RIN3: variants seen among roughly 807,000 people sequenced by gnomAD.
The protein encoded by RIN3 is Ras and Rab interactor 3, also known as RAB5 interacting protein 3.
A neutral mutation model predicts 76.3 loss-of-function variants in RIN3; 54 were observed. That is an observed-to-expected ratio of 0.71 (90% CI 0.57 to 0.89). The LOEUF (loss-of-function observed/expected upper bound fraction) is 0.89, where lower values mean the gene tolerates loss of function less well. Among genes scored for constraint, RIN3 ranks in the 40% least tolerant of loss-of-function variants. The pLI, the probability that RIN3 is intolerant of heterozygous loss-of-function variation, is 0.00. For missense variants in RIN3, 1,256 were observed against 1,322.1 expected, an observed-to-expected ratio of 0.95 and a Z score of 0.78; for synonymous variants, 576 against 564.0, an observed-to-expected ratio of 1.02 and a Z score of -0.30.
intron 7 of RIN3, among the ~76,000 whole-genome samples, chr14:92,660,694 A>G (rs1595493217): frequency 6.6e-6 from 1 of 152,358 alleles, no homozygotes; most frequent in East Asian, 1.9e-4. Context: ...TCCCAGACTC[A>G]AGGAGTGAGG....
At chr14:92,594,761 A>C (rs1207425588) in intron 3 of RIN3, among the ~76,000 whole-genome samples, 1 of 152,250 alleles carries the variant, frequency 6.6e-6, no homozygotes, top group Non-Finnish European at 1.5e-5. Context: ...TAGCTCTGTG[A>C]ACTAAAGCAA....
At chr14:92,683,019 T>G (rs1175690712) in intron 8 of RIN3, among the ~76,000 whole-genome samples, 1 of 152,012 alleles carries the variant, frequency 6.6e-6, no homozygotes, top group Non-Finnish European at 1.5e-5. Context: ...TACAAAAAGT[T>G]AGCCAGGCGT....
intron 8 of RIN3, among the ~76,000 whole-genome samples, chr14:92,678,419 A>G (rs934223667): frequency 2.7e-5 from 4 of 147,948 alleles, no homozygotes; most frequent in Admixed American, 2.7e-4. Flanking sequence ...CCCACCCTCC[A>G]CATATTCATT....
At chr14:92,554,035 G>C (rs1897509615) in intron 1 of RIN3, among the ~76,000 whole-genome samples, 1 of 152,084 alleles carries the variant, frequency 6.6e-6, no homozygotes, top group South Asian at 2.1e-4. Flanking sequence ...CTTGATCCCT[G>C]GTACCCCTGG....
At chr14:92,642,453 T>C (rs890083220) in intron 5 of RIN3, among the ~76,000 whole-genome samples, 1 of 152,108 alleles carries the variant, frequency 6.6e-6, no homozygotes, top group Non-Finnish European at 1.5e-5. Context: ...CAGGAGCCGT[T>C]GTAGGCCCCA....
rs778399802 is a variant in RIN3 at position 92,643,809 on chromosome 14, T to A, written c.532+2480T>A. Among the ~76,000 whole-genome samples, 34 of 152,158 alleles carry A rather than the reference T, an allele frequency of 2.2e-4. No individual in the cohort carries two copies. The highest frequency in any genetic ancestry group is 4.0e-4 in the Non-Finnish European group (27 of 68,002). Reference sequence around the variant, plus strand: ...TGGGCATAATGGCATGTGCCTGTAATCCCAGCTACTCCGGAGGCTGAGGCA... The same window carrying A: ...TGGGCATAATGGCATGTGCCTGTAAACCCAGCTACTCCGGAGGCTGAGGCA... On this transcript the variant is annotated intron_variant, in intron 5 of 9. Transcript: ENST00000216487. The surrounding 1 kb of genome is among the most constrained non-coding windows in gnomAD (Gnocchi z 4.8).
At chr14:92,547,782 C>A (rs889754103) in intron 1 of RIN3, among the ~76,000 whole-genome samples, 2 of 152,166 alleles carry the variant, frequency 1.3e-5, no homozygotes, top group East Asian at 1.9e-4. Context: ...CAGCTCACTG[C>A]AACCTCTGCA....
At chr14:92,654,321 AAAAAAG>A (rs957861573) in intron 6 of RIN3, among the ~76,000 whole-genome samples, 3 of 126,774 alleles carry the variant, frequency 2.4e-5, no homozygotes, top group Non-Finnish European at 3.5e-5. Flanking sequence ...TCTAAAAAAA[AAAAAAG>A]AAAAGAAAAG....
intron 7 of RIN3, among the ~76,000 whole-genome samples, chr14:92,665,674 C>A (rs1347705779): frequency 1.4e-4 from 22 of 152,140 alleles, no homozygotes; most frequent in Admixed American, 1.4e-3. Context: ...AGCCACCGCG[C>A]CTGGACTCTT....
At chr14:92,563,496 C>CA (rs1366453014) in intron 2 of RIN3, among the ~76,000 whole-genome samples, 3 of 152,098 alleles carry the variant, frequency 2.0e-5, no homozygotes, top group Non-Finnish European at 4.4e-5. Flanking sequence ...AACAACCCTG[C>CA]AAAACAGGGG....
chr14:92,605,577 CA>C (rs1396985981), intron 3 of RIN3, among the ~76,000 whole-genome samples: 3 of 152,130 alleles, frequency 2.0e-5, no homozygotes, highest in African/African-American at 7.2e-5. Flanking sequence ...CATATGTTAG[CA>C]AAGATAAATG....
chr14:92,608,473 T>TCTCTG (rs1885607395), intron 3 of RIN3, among the ~76,000 whole-genome samples: 1 of 152,196 alleles, frequency 6.6e-6, no homozygotes, highest in Admixed American at 6.5e-5. Flanking sequence ...GCACACACAG[T>TCTCTG]CTCTGCTCTT....
intron 3 of RIN3, among the ~76,000 whole-genome samples, chr14:92,602,266 G>A (rs558173615): frequency 2.4e-4 from 37 of 152,328 alleles, no homozygotes; most frequent in Admixed American, 6.5e-4. Flanking sequence ...AGTGGGAGGG[G>A]CCAGAAGTTC....
intron 4 of RIN3, among the ~76,000 whole-genome samples, chr14:92,619,907 C>T (rs1886115112): frequency 6.6e-6 from 1 of 152,172 alleles, no homozygotes; most frequent in Non-Finnish European, 1.5e-5. Context: ...AAAGAAGCAA[C>T]TTATGACCTT....
chr14:92,685,238 C>T lies in RIN3; in HGVS notation c.2631+88C>T. ...GCTGGCTAAGGAGCCGTGACATCAC[C>T]TGGCTGCTCCAGCCGCCCAGCCCTG... On this transcript the variant is annotated intron_variant, in intron 9 of 9. Transcript: ENST00000216487. The surrounding 1 kb of genome is among the most constrained non-coding windows in gnomAD (Gnocchi z 4.7). The T allele has an allele frequency of 7.2e-7, 1 of 1,393,022 alleles. No individual in the cohort carries two copies. The highest frequency in any genetic ancestry group is 9.6e-7 in the Non-Finnish European group (1 of 1,036,430). 86.3% of individuals were successfully genotyped at this position (1,393,022 alleles called of 1,614,324 possible).
chr14:92,674,525 C>G lies in RIN3; in HGVS notation c.2336-1950C>G, dbSNP rs538136383. 3.9e-5 allele frequency among the ~76,000 whole-genome samples: 6 copies of G among 152,064 alleles called. No homozygotes were observed. In the South Asian group the frequency reaches 1.0e-3, roughly 26 times the overall value. On this transcript the variant is annotated intron_variant, in intron 7 of 9. Transcript: ENST00000216487. ...GGCTGAGGTGGAAAGATTGCTTGAG[C>G]CCAGGAAGTCAAGGTTGCAAGTGAG...
At chr14:92,615,521 A>T (rs781222171) in intron 4 of RIN3, 42 bp downstream of exon 4, 1 of 1,528,908 alleles carries the variant, frequency 6.5e-7, no homozygotes, top group Non-Finnish European at 9.1e-7. Flanking sequence ...TGGTTGTAGC[A>T]AACATCACAT....
rs967637377 is a variant in RIN3, at chr14:92,602,025, A to C, written c.368-13382A>C. 3.9e-5 allele frequency among the ~76,000 whole-genome samples: 6 copies of C among 152,236 alleles called. 1 individual carries two copies. Among genetic ancestry groups the C allele is most frequent in the Non-Finnish European group, 8.8e-5 (6 of 68,040 alleles). On this transcript the variant is annotated intron_variant, in intron 3 of 9. Transcript: ENST00000216487. ...AAAAGGAATCTTTTATTACAGCATG[A>C]ACAGTGTAGTGGGGAGTCACCTCAG... is the stretch of plus-strand genomic sequence containing the variant.
intron 3 of RIN3, among the ~76,000 whole-genome samples, chr14:92,610,093 C>A (rs1354988577): frequency 1.3e-5 from 2 of 152,130 alleles, no homozygotes; most frequent in Non-Finnish European, 2.9e-5. Context: ...AATTCGATGG[C>A]TTTTAGTGTA....
Sources: allele counts gnomAD v4.1 joint callset (sites outside exome capture counted in the v4.1 genomes callset), GRCh38; gene constraint gnomAD v4.1.1; non-coding constraint Gnocchi (gnomAD v3.1); transcripts MANE v1.5; gene names NCBI Gene and HGNC (gene_info 2026-07-23, HGNC 2026-07-21).